The following KDM4B variants were observed in gnomAD, a reference collection of about 807,000 sequenced individuals.
KDM4B encodes the protein lysine demethylase 4B, also known as lysine-specific demethylase 4B.
A neutral mutation model predicts 125.2 loss-of-function variants in KDM4B; 32 were observed. The observed-to-expected ratio is 0.26, with a 90% CI of 0.19 to 0.34. The LOEUF (loss-of-function observed/expected upper bound fraction) is 0.34. Ranked by LOEUF, KDM4B falls within the 10% of genes least tolerant of loss-of-function variation. The pLI is 1.00. For missense variants in KDM4B, 1,190 were observed against 1,577.7 expected (o/e 0.75, Z 4.16); for synonymous variants, 721 against 677.9 (o/e 1.06, Z -0.99).
rs145685226 is a variant in KDM4B at position 4,999,500 on chromosome 19, C to T, written c.-108-16757C>T. Among the ~76,000 whole-genome samples the T allele has an allele frequency of 6.4e-3, 979 of 152,232 alleles. 10 individuals are homozygous for T. The highest frequency in any genetic ancestry group is 0.022 in the African/African-American group (923 of 41,532). On this transcript the variant is annotated intron_variant, in intron 1 of 22. Coordinates refer to ENST00000159111, the MANE Select transcript of KDM4B (RefSeq NM_015015.3). ...CCACTTAGAAACCGAGATCCAGGTG[C>T]TCCGTGTGCTCAGTGCTACTGGGGT...
At chr19:5,093,820 A>G (rs2038762486) in intron 9 of KDM4B, among the ~76,000 whole-genome samples, 1 of 152,214 alleles carries the variant, frequency 6.6e-6, no homozygotes, top group Non-Finnish European at 1.5e-5. Flanking sequence ...ATCGAGGTCC[A>G]GGGAGGAGAC....
intron 21 of KDM4B, among the ~76,000 whole-genome samples, chr19:5,147,724 T>C (rs7246182): frequency 0.29 from 38,136 of 130,766 alleles, 5,278 homozygotes; most frequent in African/African-American, 0.36. Flanking sequence ...ACCCGGGTGA[T>C]GAAACAAAGC....
rs550859296 is a variant in KDM4B at position 5,018,763 on chromosome 19, C to G, written c.-26+2424C>G. Among the ~76,000 whole-genome samples, 3 of 152,328 alleles carry G rather than the reference C, an allele frequency of 2.0e-5. 1 individual carries two copies. The East Asian group carries it at 5.8e-4, about 29-fold the overall frequency. ...CCAAAACCAGGCATCTCCTTCCTGC[C>G]TCTGTGGACTGGCCTGTCCTGGACA... On this transcript the variant is annotated intron_variant, in intron 2 of 22. Transcript: ENST00000159111.
intron 1 of KDM4B, among the ~76,000 whole-genome samples, chr19:4,976,998 C>T (rs1332108911): frequency 1.3e-5 from 2 of 152,170 alleles, no homozygotes; most frequent in East Asian, 3.8e-4. Flanking sequence ...TCTTGGCTTT[C>T]AAAAGTTGCC....
chr19:5,021,140 T>C (rs2036104886), intron 2 of KDM4B, among the ~76,000 whole-genome samples: 1 of 68,356 alleles, frequency 1.5e-5, no homozygotes, highest in Non-Finnish European at 2.8e-5. Flanking sequence ...TGAAACTGTC[T>C]CAAAAAAAAA....
chr19:5,090,828 G>A (rs369420632), intron 9 of KDM4B, among the ~76,000 whole-genome samples: 40 of 151,462 alleles, frequency 2.6e-4, no homozygotes, highest in Non-Finnish European at 3.8e-4. Context: ...GGCACAGGCC[G>A]ATGGGGCATC....
chr19:5,067,300 C>T (rs780117152), intron 6 of KDM4B, among the ~76,000 whole-genome samples: 3 of 152,282 alleles, frequency 2.0e-5, no homozygotes, highest in Admixed American at 1.3e-4. Context: ...CACAGACCCA[C>T]GAGATTCCAG....
At chr19:5,083,193 CACTCTCCT>C (rs1315326665) in intron 9 of KDM4B, among the ~76,000 whole-genome samples, 1 of 152,216 alleles carries the variant, frequency 6.6e-6, no homozygotes, top group Admixed American at 6.5e-5. Flanking sequence ...GCTTGTTCCC[CACTCTCCT>C]AACGCCACGT....
At position 5,081,802 on chromosome 19, in the gene KDM4B, C is replaced by T. The variant is rs578067695; in HGVS notation, c.781-565C>T. Among the ~76,000 whole-genome samples, 9 of 152,304 alleles carry T rather than the reference C, an allele frequency of 5.9e-5. No homozygotes were observed. The highest frequency in any genetic ancestry group is 1.3e-4 in the Admixed American group (2 of 15,314). On this transcript the variant is annotated intron_variant, in intron 8 of 22. Coordinates refer to ENST00000159111, the MANE Select transcript of KDM4B (RefSeq NM_015015.3). The surrounding 1 kb of genome is among the most constrained non-coding windows in gnomAD (Gnocchi z 4.2). ...AGGCCCCTTCCTGGCGTGTTTTGCG[C>T]GTGCAGTGGTGGTTCCTTTCTCATG... is the stretch of plus-strand genomic sequence containing the variant.
intron 2 of KDM4B, among the ~76,000 whole-genome samples, chr19:5,032,103 C>T (rs2036477883): frequency 6.6e-6 from 1 of 152,204 alleles, no homozygotes; most frequent in African/African-American, 2.4e-5. Flanking sequence ...CTACCAGTTC[C>T]CACCCTGCAA....
chr19:4,988,697 G>A (rs1341735886), intron 1 of KDM4B, among the ~76,000 whole-genome samples: 1 of 151,864 alleles, frequency 6.6e-6, no homozygotes, highest in Non-Finnish European at 1.5e-5. Context: ...GACATGTGTA[G>A]GGTGAGGGAT....
chr19:5,132,364 A>G (rs1404597275), intron 13 of KDM4B, among the ~76,000 whole-genome samples: 1 of 152,028 alleles, frequency 6.6e-6, no homozygotes, highest in Non-Finnish European at 1.5e-5. Flanking sequence ...CGAAGCTTTG[A>G]GTGGGAGGGG....
intron 1 of KDM4B, among the ~76,000 whole-genome samples, chr19:4,980,747 G>A (rs1672291780): frequency 6.6e-6 from 1 of 151,976 alleles, no homozygotes; most frequent in African/African-American, 2.4e-5. Flanking sequence ...TCTTTACCTG[G>A]CTGCATCCTA....
At chr19:5,099,434 C>G (rs2038889663) in intron 9 of KDM4B, among the ~76,000 whole-genome samples, 1 of 152,180 alleles carries the variant, frequency 6.6e-6, no homozygotes, top group South Asian at 2.1e-4. Context: ...ATGGAAACCT[C>G]AAGGGCCATT....
intron 22 of KDM4B, 46 bp from the exon 23 acceptor site, chr19:5,151,289 A>C: frequency 7.1e-7 from 1 of 1,407,108 alleles, no homozygotes; most frequent in Non-Finnish European, 9.4e-7. Flanking sequence ...GGGGCCGCAC[A>C]GAGTGTCTCC....
chr19:5,077,288 G>C, intron 7 of KDM4B, 79 bp from the exon 8 acceptor site: 8 of 1,228,698 alleles, frequency 6.5e-6, no homozygotes, highest in Non-Finnish European at 9.4e-6. Flanking sequence ...GAAAGAGCCA[G>C]CCTGCCCAGA....
chr19:5,055,009 C>T (rs552257523), intron 6 of KDM4B, among the ~76,000 whole-genome samples: 172 of 152,232 alleles, frequency 1.1e-3, no homozygotes, highest in Non-Finnish European at 1.7e-3. Context: ...CACACTGGGG[C>T]GTCCACAGCG....
In KDM4B at chr19:5,150,446, G is replaced by T; in HGVS notation, c.3110G>T (p.Arg1037Leu). ...EEELPKRVRS[R>L]LSLSTGAPQE... ...GAGCTGCCCAAGAGGGTCCGCTCTC[G>T]GCTGGTGAGTGCGCGAGGCTGGCCT... Residue 1037 changes from arginine to leucine, a missense_variant, in exon 22 of 23, where the codon CGG (arginine) becomes CTG (leucine). Coordinates refer to ENST00000159111, the MANE Select transcript of KDM4B (RefSeq NM_015015.3). The T allele has an allele frequency of 2.6e-6, 4 of 1,549,394 alleles. No individual in the cohort carries two copies. Among genetic ancestry groups the T allele is most frequent in the Non-Finnish European group, 2.6e-6 (3 of 1,146,128 alleles).
chr19:5,031,695 T>G (rs1455882444), intron 2 of KDM4B, among the ~76,000 whole-genome samples: 1 of 152,222 alleles, frequency 6.6e-6, no homozygotes, highest in East Asian at 1.9e-4. Flanking sequence ...GCTTTGCTTT[T>G]GTCAGGATGG....
Sources: gnomAD v4.1 joint callset for allele counts (sites outside exome capture counted in the v4.1 genomes callset) on GRCh38, gnomAD v4.1.1 for gene constraint, Gnocchi (gnomAD v3.1) non-coding constraint, MANE v1.5 for transcripts, NCBI Gene and HGNC (gene_info 2026-07-23, HGNC 2026-07-21) for gene names.